The following RNF6 variants were observed in gnomAD, a reference collection of about 807,000 sequenced individuals.
RNF6 encodes the protein ring finger protein 6, also known as E3 ubiquitin-protein ligase RNF6.
In RNF6, 21 loss-of-function variants were observed where a neutral mutation model predicts 50.1. The observed-to-expected ratio is 0.42, with a 90% CI of 0.30 to 0.60. The LOEUF (loss-of-function observed/expected upper bound fraction) is 0.60, where lower values mean the gene tolerates loss of function less well. RNF6 is among the 20% of genes least tolerant of loss of function. The probability of loss-of-function intolerance (pLI) is 0.20; values close to 1 mark genes in which losing one functional copy is unlikely to be tolerated. For missense variants in RNF6, 698 were observed against 838.2 expected (o/e 0.83, Z 2.07); for synonymous variants, 255 against 291.8 (o/e 0.87, Z 1.29).
intron 5 of RNF6, among the ~76,000 whole-genome samples, chr13:26,169,882 A>G (rs1872614061): frequency 6.6e-6 from 1 of 152,164 alleles, no homozygotes; most frequent in Admixed American, 6.5e-5. Flanking sequence ...CCTTTGTTTC[A>G]GTGAAGCTGA....
intron 5 of RNF6, chr13:26,149,253 A>G (rs1871426749): frequency 6.6e-6 from 1 of 152,184 alleles, no homozygotes; most frequent in Non-Finnish European, 1.5e-5. Flanking sequence ...CAATCTGAAT[A>G]ATTCAATTTG....
At chr13:26,153,902 T>C (rs1005696088) in intron 5 of RNF6, among the ~76,000 whole-genome samples, 5 of 152,204 alleles carry the variant, frequency 3.3e-5, no homozygotes, top group Non-Finnish European at 7.3e-5. Context: ...AATTTCAGTG[T>C]CTCACTGAAT....
rs527992239 is a variant in RNF6 at position 26,181,354 on chromosome 13, G to A, written n.768+34120C>T. Among the ~76,000 whole-genome samples, 11 of 152,342 alleles carry A rather than the reference G, an allele frequency of 7.2e-5. No individual in the cohort carries two copies. In the South Asian group the frequency reaches 1.9e-3, roughly 26 times the overall value. ...GGGATGCCATAGGCAGGCAGAGGCC[G>A]ATCAGGCGTCTGTCTTGTCCTTGAA... On this transcript the variant is annotated intron_variant and non_coding_transcript_variant, in intron 5 of 5. Coordinates refer to the RNF6 transcript ENST00000468480.
chr13:26,146,818 A>G (rs1209781670), intron 5 of RNF6, among the ~76,000 whole-genome samples: 1 of 152,136 alleles, frequency 6.6e-6, no homozygotes, highest in African/African-American at 2.4e-5. Flanking sequence ...CCCAAATCTC[A>G]TGTCGAATTG....
chr13:26,134,480 GT>G (rs148329187), intron 5 of RNF6, among the ~76,000 whole-genome samples: 1 of 150,436 alleles, frequency 6.6e-6, no homozygotes, highest in Non-Finnish European at 1.5e-5. Flanking sequence ...TTTGTTTTTT[GT>G]TTTTTTTTGG....
intron 5 of RNF6, among the ~76,000 whole-genome samples, chr13:26,140,367 C>T (rs1870872922): frequency 6.6e-6 from 1 of 152,064 alleles, no homozygotes; most frequent in African/African-American, 2.4e-5. Flanking sequence ...TATGAACAGC[C>T]AAAGGAAAGT....
chr13:26,201,816 T>C (rs1470677895), intron 5 of RNF6, among the ~76,000 whole-genome samples: 1 of 152,204 alleles, frequency 6.6e-6, no homozygotes, highest in Non-Finnish European at 1.5e-5. Context: ...TATGGTTAAA[T>C]GAGGCCCATT....
At chr13:26,138,967 G>A (rs946986397) in intron 5 of RNF6, among the ~76,000 whole-genome samples, 2 of 152,072 alleles carry the variant, frequency 1.3e-5, no homozygotes, top group African/African-American at 2.4e-5. Context: ...CTTTGTAAGC[G>A]CCTTGATTAT....
Position 26,190,510 on chromosome 13 carries a change from G to T in RNF6, n.768+24964C>A, listed in dbSNP as rs559603679. Among the ~76,000 whole-genome samples, 5 of 152,264 alleles carry T rather than the reference G, an allele frequency of 3.3e-5. No homozygotes were observed. In the South Asian group the frequency reaches 1.0e-3, roughly 32 times the overall value. ...ACTCAGTACTTCCACTGATGTGGAG[G>T]TTGCTGATTCATGAAGCTGCCAAGG... On this transcript the variant is annotated intron_variant and non_coding_transcript_variant, in intron 5 of 5. Transcript: ENST00000468480.
Position 26,166,628 on chromosome 13 carries a change from C to T in RNF6, n.769-34177G>A, listed in dbSNP as rs183373522. 2.5e-3 allele frequency among the ~76,000 whole-genome samples: 381 copies of T among 152,242 alleles called. 2 individuals are homozygous for T. The highest frequency in any genetic ancestry group is 0.014 in the Middle Eastern group (4 of 294). ...TCTTGCCACAAAAAGAATAAAATACCTAGGAATACAGCTAACTCGGGAGGT... is the reference window on the plus strand; with the variant it reads ...TCTTGCCACAAAAAGAATAAAATACTTAGGAATACAGCTAACTCGGGAGGT... On this transcript the variant is annotated intron_variant and non_coding_transcript_variant, in intron 5 of 5. Transcript: ENST00000468480.
Position 26,138,469 on chromosome 13 carries a change from AT to A in RNF6, n.769-6019del, listed in dbSNP as rs941116099. ...GTAAATGGAAAAGACAGTTATATATATTTTTTTCTTTGTAACTCCTTGTTTT... is the reference window on the plus strand; with the variant it reads ...GTAAATGGAAAAGACAGTTATATATATTTTTTCTTTGTAACTCCTTGTTTT... On this transcript the variant is annotated intron_variant and non_coding_transcript_variant, in intron 5 of 5. Transcript: ENST00000468480. 2.1e-4 allele frequency among the ~76,000 whole-genome samples: 32 copies of A among 152,246 alleles called. 1 individual carries two copies. Among genetic ancestry groups the A allele is most frequent in the East Asian group, 1.3e-3 (7 of 5,186 alleles).
At chr13:26,215,720 G>T in intron 4 of RNF6, 128 bp from the exon 5 acceptor site, 1 of 812,046 alleles carries the variant, frequency 1.2e-6, no homozygotes, top group Non-Finnish European at 1.8e-6. Flanking sequence ...ATGAATGAAA[G>T]ATGGCAAAAA....
At chr13:26,174,193 T>C (rs1872840023) in intron 5 of RNF6, among the ~76,000 whole-genome samples, 3 of 152,012 alleles carry the variant, frequency 2.0e-5, no homozygotes, top group African/African-American at 7.2e-5. Context: ...CATTTAGGAC[T>C]CAGGCCACTG....
chr13:26,195,706 C>T (rs756712066), intron 5 of RNF6, among the ~76,000 whole-genome samples: 10 of 152,232 alleles, frequency 6.6e-5, no homozygotes, highest in African/African-American at 1.4e-4. Context: ...AGTTATAATT[C>T]GAAACAAGTA....
In RNF6 at chr13:26,217,505, C is replaced by T. The variant is rs146873851; in HGVS notation, c.289+1006G>A. 4.0e-3 allele frequency among the ~76,000 whole-genome samples: 604 copies of T among 152,280 alleles called. 6 individuals are homozygous for T. The highest frequency in any genetic ancestry group is 0.013 in the African/African-American group (561 of 41,556). On this transcript the variant is annotated intron_variant, in intron 4 of 4. Coordinates refer to ENST00000381588, the MANE Select transcript of RNF6 (RefSeq NM_005977.4). The stretch of plus-strand genomic sequence containing the variant: ...CTCATGAATGGAATGGGAGAGTAAG[C>T]GATACATCCTACTCTCACGCTAGTG...
intron 5 of RNF6, among the ~76,000 whole-genome samples, chr13:26,174,573 G>GA (rs1234212661): frequency 6.6e-6 from 1 of 151,916 alleles, no homozygotes; most frequent in Non-Finnish European, 1.5e-5. Flanking sequence ...TGAGGCAGGA[G>GA]AATCACTTGA....
chr13:26,211,169 A>G (rs780157350), downstream of RNF6, among the ~76,000 whole-genome samples: 1 of 152,170 alleles, frequency 6.6e-6, no homozygotes. Flanking sequence ...AATATTAAAG[A>G]ATATCCTTTT....
intron 5 of RNF6, among the ~76,000 whole-genome samples, chr13:26,149,870 G>GTATATATATATA (rs749089662): frequency 1.4e-5 from 1 of 73,968 alleles, no homozygotes; most frequent in Non-Finnish European, 2.8e-5. Context: ...ATGTGTGTGT[G>GTATATATATATA]TATATATATA....
chr13:26,186,538 G>A (rs1873542203), intron 5 of RNF6, among the ~76,000 whole-genome samples: 1 of 152,196 alleles, frequency 6.6e-6, no homozygotes, highest in Admixed American at 6.5e-5. Context: ...GCACACACAT[G>A]CACGTGCACG....
Sources: allele counts gnomAD v4.1 joint callset (sites outside exome capture counted in the v4.1 genomes callset), GRCh38; gene constraint gnomAD v4.1.1; transcripts MANE v1.5; gene names NCBI Gene and HGNC (gene_info 2026-07-23, HGNC 2026-07-21).